PAK5: variants seen among roughly 807,000 people sequenced by gnomAD.
PAK5 encodes the protein p21 (RAC1) activated kinase 5, also known as serine/threonine-protein kinase PAK 5.
PAK5 carries 16 observed loss-of-function variants against 65.9 expected under a neutral mutation model. That is an observed-to-expected ratio of 0.24 (90% CI 0.16 to 0.37). The LOEUF is 0.37. Ranked by LOEUF, PAK5 falls within the 10% of genes least tolerant of loss-of-function variation. PAK5 has a pLI of 1.00. For missense variants in PAK5, 785 were observed against 903.9 expected (o/e 0.87, Z 1.69); for synonymous variants, 371 against 354.9 (o/e 1.05, Z -0.51).
At position 9,562,894 on chromosome 20, in the gene PAK5, G is replaced by T; in HGVS notation, c.1613C>A (p.Thr538Asn). 1.2e-6 allele frequency: 2 copies of T among 1,612,902 alleles called. No individual in the cohort carries two copies. The highest frequency in any genetic ancestry group is 1.7e-6 in the Non-Finnish European group (2 of 1,179,420). ...GGALTDIVTHTRMNEEQIATV... is the reference protein window; with the variant it reads ...GGALTDIVTHNRMNEEQIATV... ...TCTGGATAATAAAGAAGCCTACCTG[G>T]TGTGAGTCACAATGTCTGTCAAGGC... The change falls in exon 6 of 10, where the codon ACC (threonine) becomes AAC (asparagine). Residue 538 changes from threonine to asparagine, a missense_variant. By Grantham distance (65) the Thr-to-Asn change is moderately conservative. Around this residue, in one of 4 missense-constraint regions of PAK5, gnomAD observed 182 missense variants for 273.0 expected, o/e 0.67. Transcript: ENST00000353224.
intron 1 of PAK5, among the ~76,000 whole-genome samples, chr20:9,793,381 T>C (rs971411913): frequency 1.3e-5 from 2 of 152,140 alleles, no homozygotes; most frequent in Non-Finnish European, 2.9e-5. Context: ...GCAGACTACC[T>C]ATACCAATAG....
intron 3 of PAK5, among the ~76,000 whole-genome samples, chr20:9,589,882 C>T (rs964182494): frequency 6.6e-6 from 1 of 152,092 alleles, no homozygotes; most frequent in Non-Finnish European, 1.5e-5. Flanking sequence ...GTTGGCTAGG[C>T]TGGTCTCAGC....
chr20:9,700,928 T>C (rs2047931425), intron 2 of PAK5, among the ~76,000 whole-genome samples: 1 of 151,868 alleles, frequency 6.6e-6, no homozygotes, highest in Non-Finnish European at 1.5e-5. Context: ...AATTAGGAGG[T>C]TTTATATTAG....
intron 1 of PAK5, among the ~76,000 whole-genome samples, chr20:9,791,612 T>A (rs1042644909): frequency 3.3e-5 from 5 of 152,122 alleles, no homozygotes; most frequent in Admixed American, 2.0e-4. Flanking sequence ...TGACTCTCAA[T>A]GAGAGCAGTA....
chr20:9,791,380 A>G (rs2049048563), intron 1 of PAK5, among the ~76,000 whole-genome samples: 1 of 152,020 alleles, frequency 6.6e-6, no homozygotes, highest in Non-Finnish European at 1.5e-5. Context: ...TCACCCAGTC[A>G]CCCAAAGCAG....
chr20:9,825,929 C>T (rs1423333402), intron 1 of PAK5, among the ~76,000 whole-genome samples: 12 of 152,060 alleles, frequency 7.9e-5, no homozygotes, highest in Admixed American at 7.9e-4. Context: ...ATTATATTCA[C>T]TCAAATTCAA....
chr20:9,827,469 C>T (rs1978356741), intron 1 of PAK5, among the ~76,000 whole-genome samples: 1 of 152,078 alleles, frequency 6.6e-6, no homozygotes, highest in Non-Finnish European at 1.5e-5. Context: ...AGGCATAAAG[C>T]CAGGTGCTGG....
intron 2 of PAK5, among the ~76,000 whole-genome samples, chr20:9,679,834 A>C (rs1478861268): frequency 1.3e-5 from 2 of 152,218 alleles, no homozygotes; most frequent in African/African-American, 2.4e-5. Flanking sequence ...GCTCCAGGCA[A>C]AATTGTGATG....
chr20:9,761,961 A>T (rs1160769026), intron 1 of PAK5, among the ~76,000 whole-genome samples: 3 of 152,176 alleles, frequency 2.0e-5, no homozygotes, highest in African/African-American at 7.2e-5. Flanking sequence ...TAAACCCCAC[A>T]CATATACAGT....
chr20:9,757,745 A>G (rs557692431), intron 1 of PAK5, among the ~76,000 whole-genome samples: 157 of 152,308 alleles, frequency 1.0e-3, no homozygotes, highest in Admixed American at 1.8e-3. Context: ...GAACATTTTT[A>G]TGCACATGTA....
intron 3 of PAK5, among the ~76,000 whole-genome samples, chr20:9,623,739 A>G (rs886236603): frequency 6.6e-6 from 1 of 152,236 alleles, no homozygotes; most frequent in Non-Finnish European, 1.5e-5. Flanking sequence ...TCGCAAAACA[A>G]CAGGAAAGTT....
rs1351167276 is a variant in PAK5, at chr20:9,766,530, T to C, written c.-161-55095A>G. 2.7e-4 allele frequency among the ~76,000 whole-genome samples: 12 copies of C among 44,492 alleles called. 1 individual carries two copies. Among genetic ancestry groups the C allele is most frequent in the South Asian group, 1.2e-3 (1 of 816 alleles). The allele number at this position is 44,492 out of a possible 152,430, so 29.2% of individuals were successfully genotyped here. The stretch of plus-strand genomic sequence containing the variant: ...TATATATATTCAAGCAGAATATATA[T>C]ATATATATATATATATATATTTTCA... On this transcript the variant is annotated intron_variant, in intron 1 of 9. Coordinates refer to ENST00000353224, the MANE Select transcript of PAK5 (RefSeq NM_177990.4).
intron 3 of PAK5, among the ~76,000 whole-genome samples, chr20:9,601,054 C>T (rs186381182): frequency 2.2e-3 from 342 of 152,184 alleles, no homozygotes; most frequent in Admixed American, 4.9e-3. Flanking sequence ...CCAGTATCAG[C>T]CTTGCAGAGC....
intron 4 of PAK5, among the ~76,000 whole-genome samples, chr20:9,575,901 T>C (rs2045877996): frequency 6.6e-6 from 1 of 152,196 alleles, no homozygotes; most frequent in African/African-American, 2.4e-5. Context: ...TTTGCCTTTA[T>C]AAACTTGGGG....
At chr20:9,677,641 G>A (rs1229141332) in intron 2 of PAK5, among the ~76,000 whole-genome samples, 1 of 152,168 alleles carries the variant, frequency 6.6e-6, no homozygotes, top group Non-Finnish European at 1.5e-5. Context: ...GAATGGCTAT[G>A]ACCATTTGGA....
rs189950076 is a variant in PAK5 at position 9,818,205 on chromosome 20, C to T, written c.-162+20557G>A. Among the ~76,000 whole-genome samples, 23 of 152,296 alleles carry T rather than the reference C, an allele frequency of 1.5e-4. 1 individual carries two copies. In the East Asian group the frequency reaches 2.5e-3, roughly 17 times the overall value. On this transcript the variant is annotated intron_variant, in intron 1 of 9. Coordinates refer to ENST00000353224, the MANE Select transcript of PAK5 (RefSeq NM_177990.4). ...TCTGATCAGATTCTTCCTCCTCTTC[C>T]ATTATTCCTCAGGTATGTCTGATCA...
At chr20:9,621,922 TG>T (rs1665713493) in intron 3 of PAK5, among the ~76,000 whole-genome samples, 1 of 152,244 alleles carries the variant, frequency 6.6e-6, no homozygotes, top group African/African-American at 2.4e-5. Flanking sequence ...CAGGCTAGAC[TG>T]GAACTGAAAC....
chr20:9,609,640 G>C (rs970381759), intron 3 of PAK5, among the ~76,000 whole-genome samples: 1 of 152,186 alleles, frequency 6.6e-6, no homozygotes. Flanking sequence ...AGGAACATGA[G>C]GGTGTTTTTG....
At chr20:9,718,498 T>C (rs1159962242) in intron 1 of PAK5, among the ~76,000 whole-genome samples, 1 of 152,144 alleles carries the variant, frequency 6.6e-6, no homozygotes, top group Non-Finnish European at 1.5e-5. Flanking sequence ...CATTTTGTCC[T>C]CCCTTTATGG....
Sources: allele counts gnomAD v4.1 joint callset (sites outside exome capture counted in the v4.1 genomes callset), GRCh38; gene constraint gnomAD v4.1.1; regional missense constraint gnomAD v4.1.1; transcripts MANE v1.5; gene names NCBI Gene and HGNC (gene_info 2026-07-23, HGNC 2026-07-21).